The following PAH variants were observed in gnomAD, a reference collection of about 807,000 sequenced individuals.
The protein encoded by PAH is phenylalanine-4-hydroxylase.
Under a neutral mutation model 62.0 loss-of-function variants are expected in PAH, and 64 were observed. The ratio of observed to expected loss-of-function variants is 1.03; its 90% CI spans 0.84 to 1.27. The LOEUF is 1.27. Among genes scored for constraint, PAH ranks in the 50% most tolerant of loss-of-function variants. The pLI is 0.00. For missense variants in PAH, 579 were observed against 542.8 expected, an observed-to-expected ratio of 1.07 and a Z score of -0.66; for synonymous variants, 195 against 196.2, an observed-to-expected ratio of 0.99 and a Z score of 0.05.
intron 5 of PAH, among the ~76,000 whole-genome samples, chr12:102,856,591 G>A (rs1414013725): frequency 6.6e-6 from 1 of 152,224 alleles, no homozygotes; most frequent in African/African-American, 2.4e-5. Flanking sequence ...CCCAGCAGGG[G>A]CAGACTGACA....
intron 1 of PAH, among the ~76,000 whole-genome samples, chr12:102,939,493 C>T (rs186378798): frequency 6.6e-6 from 1 of 152,304 alleles, no homozygotes; most frequent in East Asian, 1.9e-4. Context: ...CCAGAAGCAA[C>T]TGACAACCCC....
chr12:102,958,435 C>G (rs781642776), upstream of PAH: 3 of 1,539,184 alleles, frequency 1.9e-6, no homozygotes, highest in Non-Finnish European at 2.6e-6. Flanking sequence ...CAGCAGGCGC[C>G]GCAGCTGAGA....
At position 102,882,147 on chromosome 12, in the gene PAH, A is replaced by G. The variant is rs12310461; in HGVS notation, c.353-4597T>C. ...ACCTCTTGTCCTTTTGATGTTAAAG[A>G]CAACATGCTATTTACTATGAAATCC... On this transcript the variant is annotated intron_variant, in intron 3 of 12. Transcript: ENST00000553106. Among the ~76,000 whole-genome samples, 1,151 of 152,304 alleles carry G rather than the reference A, an allele frequency of 7.6e-3. 12 individuals are homozygous for G. The highest frequency in any genetic ancestry group is 0.026 in the African/African-American group (1,068 of 41,568).
At position 102,957,774 on chromosome 12, in the gene PAH, A is replaced by T. The variant is rs2136784321; in HGVS notation, c.-96+421T>A. 6.5e-6 allele frequency: 1 copy of T among 154,280 alleles called. No homozygotes were observed. Among genetic ancestry groups the T allele is most frequent in the African/African-American group, 2.4e-5 (1 of 41,686 alleles). The allele number at this position is 154,280 out of a possible 1,614,324, so 9.6% of individuals were successfully genotyped here. A position where few individuals can be genotyped will look rare whatever the true frequency, so the allele number is the denominator to read the frequency against. On this transcript the variant is annotated intron_variant, in intron 1 of 4. Transcript: ENST00000551337. This position sits in a 1 kb window ranked among gnomAD's most constrained non-coding sequence, Gnocchi z 4.1. Reference sequence around the variant, plus strand: ...AAGGAAATCAGAAAGGAAGGGAGTTAACAAAATAATAAAAACAGCCTGAGC... The same window carrying T: ...AAGGAAATCAGAAAGGAAGGGAGTTTACAAAATAATAAAAACAGCCTGAGC...
intron 10 of PAH, 78 bp downstream of exon 10, chr12:102,844,258 A>G: frequency 9.8e-7 from 1 of 1,019,940 alleles, no homozygotes; most frequent in South Asian, 1.3e-5. Flanking sequence ...ATAGGGTTTC[A>G]ACAATATTGA....
intron 1 of PAH, among the ~76,000 whole-genome samples, chr12:102,949,845 G>A (rs1229534845): frequency 6.6e-6 from 1 of 152,132 alleles, no homozygotes; most frequent in Non-Finnish European, 1.5e-5. Context: ...TGCCCCCACC[G>A]CATGTTTTAA....
At chr12:102,896,169 C>T (rs1877495043) in intron 2 of PAH, among the ~76,000 whole-genome samples, 1 of 152,048 alleles carries the variant, frequency 6.6e-6, no homozygotes, top group South Asian at 2.1e-4. Flanking sequence ...GATTGCAGGA[C>T]TAAATAGGGC....
chr12:102,910,486 T>C (rs1205788646), intron 2 of PAH, among the ~76,000 whole-genome samples: 1 of 151,938 alleles, frequency 6.6e-6, no homozygotes, highest in African/African-American at 2.4e-5. Context: ...TTCTCCTGCC[T>C]TGGCCTCCCA....
intron 2 of PAH, among the ~76,000 whole-genome samples, chr12:102,911,943 A>G (rs1038107623): frequency 2.6e-5 from 4 of 152,252 alleles, no homozygotes; most frequent in African/African-American, 4.8e-5. Context: ...CAAAAATATT[A>G]GCATAGTACT....
At chr12:102,912,721 C>A in intron 2 of PAH, 70 bp downstream of exon 2, 1 of 1,075,288 alleles carries the variant, frequency 9.3e-7, no homozygotes, top group Non-Finnish European at 1.4e-6. Context: ...CTTTTCATTG[C>A]ATCTAACTAG....
intron 12 of PAH, among the ~76,000 whole-genome samples, 157 bp from the exon 13 acceptor site, chr12:102,839,375 G>A (rs1874491732): frequency 6.6e-6 from 1 of 152,222 alleles, no homozygotes; most frequent in African/African-American, 2.4e-5. Flanking sequence ...TATGGTATAA[G>A]TACTTGCATG....
intron 2 of PAH, among the ~76,000 whole-genome samples, chr12:102,897,998 T>C (rs1592980921): frequency 6.6e-6 from 1 of 152,244 alleles, no homozygotes; most frequent in East Asian, 1.9e-4. Flanking sequence ...AGAAATGAAC[T>C]AAAAAATGAA....
In PAH at chr12:102,913,083, A is replaced by G. The variant is rs562369376; in HGVS notation, c.61-185T>C. Among the ~76,000 whole-genome samples the G allele has an allele frequency of 5.3e-5, 8 of 152,326 alleles. No homozygotes were observed. The East Asian group carries it at 9.6e-4, about 18-fold the overall frequency. ...GAAAATAAGTAAGTCCAGGGCAATT[A>G]AATGATCAATGATGCTACTGGGTCA... On this transcript the variant is annotated intron_variant, in intron 1 of 12. Transcript: ENST00000553106.
intron 1 of PAH, among the ~76,000 whole-genome samples, chr12:102,932,878 C>T (rs558360840): frequency 2.0e-5 from 3 of 152,246 alleles, no homozygotes; most frequent in Non-Finnish European, 2.9e-5. Context: ...TATTTTGATA[C>T]AAGCATGCAA....
rs1565854768 is a variant in PAH at position 102,868,073 on chromosome 12, CATATAT to C, written c.442-1416_442-1411del. 9.7e-5 allele frequency among the ~76,000 whole-genome samples: 10 copies of C among 103,348 alleles called. 4 individuals carry two copies. The highest frequency in any genetic ancestry group is 3.3e-4 in the African/African-American group (8 of 24,252). The allele number at this position is 103,348 out of a possible 152,430, so 67.8% of individuals were successfully genotyped here. The stretch of plus-strand genomic sequence containing the variant: ...ATGTATATATATACACATATATATA[CATATAT>C]GTGTGTGTGTATATATATATATATA... On this transcript the variant is annotated intron_variant, in intron 4 of 12. Coordinates refer to ENST00000553106, the MANE Select transcript of PAH (RefSeq NM_000277.3).
intron 1 of PAH, among the ~76,000 whole-genome samples, chr12:102,938,731 AG>A (rs1168133847): frequency 6.6e-6 from 1 of 152,078 alleles, no homozygotes; most frequent in Non-Finnish European, 1.5e-5. Context: ...CCCTCAGGCT[AG>A]GGAGGTAGTG....
At chr12:102,905,899 T>C (rs1249705433) in intron 2 of PAH, among the ~76,000 whole-genome samples, 3 of 151,336 alleles carry the variant, frequency 2.0e-5, no homozygotes, top group Non-Finnish European at 4.4e-5. Context: ...GTATTGATTA[T>C]ATCAGAATTT....
In PAH at chr12:102,843,114, G is replaced by A. The variant is rs534020834; in HGVS notation, c.1199+532C>T. Among the ~76,000 whole-genome samples the A allele has an allele frequency of 2.6e-5, 4 of 152,132 alleles. No individual in the cohort carries two copies. The South Asian group carries it at 8.3e-4, about 32-fold the overall frequency. ...GTCAGGTATTGTTCCAGGGGCTGGA[G>A]GAAAAACAGAAAATAGAAAGAACAA... On this transcript the variant is annotated intron_variant, in intron 11 of 12. Coordinates refer to ENST00000553106, the MANE Select transcript of PAH (RefSeq NM_000277.3).
rs76247694 is a variant in PAH, at chr12:102,958,179, C to T, written c.-96+16G>A. ...GCACCCAAGTTCTCTCTGTGTCCCC[C>T]TCGCGGGCCCCGCACCTCGCGTCCC... On this transcript the variant is annotated intron_variant, in intron 1 of 4. Coordinates refer to the PAH transcript ENST00000551337. The T allele has an allele frequency of 2.8e-4, 358 of 1,300,720 alleles. 2 individuals are homozygous for T. In the East Asian group the frequency reaches 6.8e-3, roughly 25 times the overall value. 80.6% of individuals were successfully genotyped at this position (1,300,720 alleles called of 1,614,324 possible).
Sources: gnomAD v4.1 joint callset for allele counts (sites outside exome capture counted in the v4.1 genomes callset) on GRCh38, gnomAD v4.1.1 for gene constraint, Gnocchi (gnomAD v3.1) non-coding constraint, MANE v1.5 for transcripts, NCBI Gene and HGNC (gene_info 2026-07-23, HGNC 2026-07-21) for gene names.